Variants in TBL1XR1 observed in about 807,000 individuals in gnomAD.
TBL1XR1 encodes the protein TBL1X/Y related 1.
In TBL1XR1, 5 loss-of-function variants were observed where a neutral mutation model predicts 66.9. The ratio of observed to expected loss-of-function variants is 0.07; its 90% CI spans 0.04 to 0.16. TBL1XR1 has a LOEUF of 0.16. Ranked by LOEUF, TBL1XR1 falls within the 10% of genes least tolerant of loss-of-function variation. TBL1XR1 has a pLI of 1.00. For missense variants in TBL1XR1, 238 were observed against 623.2 expected (o/e 0.38, Z 6.58); for synonymous variants, 210 against 206.0 (o/e 1.02, Z -0.17).
chr3:177,086,147 G>A (rs909504484), intron 2 of TBL1XR1, among the ~76,000 whole-genome samples: 1 of 150,442 alleles, frequency 6.6e-6, no homozygotes, highest in African/African-American at 2.5e-5. Flanking sequence ...AAATTATCTA[G>A]TAGCCACATG....
At chr3:177,029,702 G>A (rs562602166) in intron 14 of TBL1XR1, among the ~76,000 whole-genome samples, 1 of 152,210 alleles carries the variant, frequency 6.6e-6, no homozygotes, top group East Asian at 1.9e-4. Flanking sequence ...TAAAAAAGAA[G>A]GTACTGGGAG....
chr3:177,030,353 T>C (rs1276319625), intron 14 of TBL1XR1, among the ~76,000 whole-genome samples: 2 of 151,854 alleles, frequency 1.3e-5, no homozygotes, highest in Non-Finnish European at 2.9e-5. Context: ...AAATAAATAA[T>C]CATTCTAGAG....
At chr3:177,104,129 A>AAG (rs1553844013) in intron 1 of TBL1XR1, among the ~76,000 whole-genome samples, 3 of 141,240 alleles carry the variant, frequency 2.1e-5, no homozygotes, top group South Asian at 2.2e-4. Flanking sequence ...AAAAAAAAAA[A>AAG]AGAGAGAGAG....
intron 1 of TBL1XR1, among the ~76,000 whole-genome samples, chr3:177,128,533 C>G (rs1185449150): frequency 1.3e-5 from 2 of 152,140 alleles, no homozygotes; most frequent in Admixed American, 6.5e-5. Flanking sequence ...CCCACCACGC[C>G]TGGTTAATTT....
chr3:177,161,061 AAAAC>A (rs1732154848), intron 1 of TBL1XR1: 1 of 152,202 alleles, frequency 6.6e-6, no homozygotes, highest in South Asian at 2.1e-4. Context: ...ATCAAGTACT[AAAAC>A]AAAGCCAGTT....
At chr3:177,171,913 C>T (rs1241659844) in intron 1 of TBL1XR1, among the ~76,000 whole-genome samples, 1 of 151,972 alleles carries the variant, frequency 6.6e-6, no homozygotes, top group Non-Finnish European at 1.5e-5. Flanking sequence ...AAAGAGGTGC[C>T]AGTGGCAAAA....
chr3:177,074,119 A>G (rs1720392399), intron 2 of TBL1XR1, among the ~76,000 whole-genome samples: 1 of 152,202 alleles, frequency 6.6e-6, no homozygotes, highest in African/African-American at 2.4e-5. Flanking sequence ...TGGGCAAAAA[A>G]TCTGAAATTC....
intron 1 of TBL1XR1, among the ~76,000 whole-genome samples, chr3:177,114,811 A>G (rs1299804267): frequency 2.7e-5 from 4 of 149,864 alleles, no homozygotes; most frequent in Non-Finnish European, 5.9e-5. Flanking sequence ...CCCCATCTCT[A>G]TAAAAAAAAT....
intron 2 of TBL1XR1, among the ~76,000 whole-genome samples, chr3:177,077,586 A>C (rs1560148159): frequency 6.6e-6 from 1 of 152,178 alleles, no homozygotes; most frequent in Non-Finnish European, 1.5e-5. Flanking sequence ...TAAGTTCTCC[A>C]TTCTATGGTT....
At chr3:177,130,543 T>C (rs1728178190) in intron 1 of TBL1XR1, among the ~76,000 whole-genome samples, 1 of 152,174 alleles carries the variant, frequency 6.6e-6, no homozygotes, top group African/African-American at 2.4e-5. Context: ...AGTAACATCA[T>C]CTCTGGAAGG....
chr3:177,057,950 C>A (rs1718010880), intron 3 of TBL1XR1, among the ~76,000 whole-genome samples: 1 of 152,128 alleles, frequency 6.6e-6, no homozygotes, highest in African/African-American at 2.4e-5. Flanking sequence ...ACAAAACAGC[C>A]ATTTTCTATA....
chr3:177,048,227 T>G (rs1234386221), intron 7 of TBL1XR1, among the ~76,000 whole-genome samples: 1 of 152,200 alleles, frequency 6.6e-6, no homozygotes, highest in Non-Finnish European at 1.5e-5. Context: ...TTCTCTCAAC[T>G]TATATTCCCT....
intron 2 of TBL1XR1, among the ~76,000 whole-genome samples, chr3:177,065,535 C>T (rs1415084219): frequency 2.0e-5 from 3 of 152,118 alleles, no homozygotes; most frequent in Non-Finnish European, 4.4e-5. Context: ...ATGTTCAAGT[C>T]TCAAAAAGCT....
At chr3:177,026,757 T>C in intron 14 of TBL1XR1, 1 of 286,562 alleles carries the variant, frequency 3.5e-6, no homozygotes. Flanking sequence ...TAGCCAACAA[T>C]AGCTAGAAGT....
intron 2 of TBL1XR1, among the ~76,000 whole-genome samples, chr3:177,091,542 G>C (rs1722845150): frequency 6.6e-6 from 1 of 152,126 alleles, no homozygotes; most frequent in African/African-American, 2.4e-5. Flanking sequence ...CAGAAAGCAA[G>C]GAAGCTACCA....
chr3:177,096,989 A>G (rs1053675286), intron 2 of TBL1XR1, among the ~76,000 whole-genome samples: 7 of 152,162 alleles, frequency 4.6e-5, no homozygotes, highest in African/African-American at 1.7e-4. Context: ...AGAACAGGAA[A>G]AGGAGGAGGT....
chr3:177,112,264 C>T (rs865958718), intron 1 of TBL1XR1, among the ~76,000 whole-genome samples: 22 of 150,848 alleles, frequency 1.5e-4, no homozygotes, highest in African/African-American at 5.1e-4. Flanking sequence ...TCTGCCACTA[C>T]GCTCAGCTAA....
chr3:177,082,101 T>C (rs1226841314), intron 2 of TBL1XR1, among the ~76,000 whole-genome samples: 1 of 152,198 alleles, frequency 6.6e-6, no homozygotes, highest in Non-Finnish European at 1.5e-5. Context: ...AAGACCAAAA[T>C]GCCTTTTTTA....
intron 1 of TBL1XR1, among the ~76,000 whole-genome samples, chr3:177,181,826 A>G (rs1734860315): frequency 8.6e-6 from 1 of 116,436 alleles, no homozygotes; most frequent in African/African-American, 2.8e-5. Context: ...AGTTAGGAAA[A>G]AAAAAAAAAA....
Sources: allele counts gnomAD v4.1 joint callset (sites outside exome capture counted in the v4.1 genomes callset), GRCh38; gene constraint gnomAD v4.1.1; transcripts MANE v1.5; gene names NCBI Gene and HGNC (gene_info 2026-07-23, HGNC 2026-07-21).